Variants in CTNND2 observed in about 807,000 individuals in gnomAD.
The protein encoded by CTNND2 is catenin delta-2.
CTNND2 carries 22 observed loss-of-function variants against 144.4 expected under a neutral mutation model. That is an observed-to-expected ratio of 0.15 (90% CI 0.11 to 0.22). The LOEUF is 0.22. CTNND2 is among the 10% of genes least tolerant of loss of function. CTNND2 has a pLI of 1.00. For missense variants in CTNND2, 1,353 were observed against 1,618.8 expected (o/e 0.84, Z 2.82); for synonymous variants, 751 against 695.6 (o/e 1.08, Z -1.25).
intron 2 of CTNND2, among the ~76,000 whole-genome samples, chr5:11,598,513 A>G (rs1779629728): frequency 6.6e-6 from 1 of 152,196 alleles, no homozygotes. Flanking sequence ...AAAATCCTTT[A>G]TCTGATTACA....
chr5:11,269,372 C>G (rs777986501), intron 9 of CTNND2, among the ~76,000 whole-genome samples: 2 of 152,128 alleles, frequency 1.3e-5, no homozygotes, highest in Non-Finnish European at 2.9e-5. Flanking sequence ...AATCTATTCT[C>G]GTTTATTATA....
At chr5:11,352,775 G>A (rs73742806) in intron 8 of CTNND2, among the ~76,000 whole-genome samples, 14,818 of 152,152 alleles carry the variant, frequency 0.097, 761 homozygotes, top group Middle Eastern at 0.16. Context: ...TTAACACAAA[G>A]GATCCTGCTC....
intron 3 of CTNND2, among the ~76,000 whole-genome samples, chr5:11,416,639 T>C (rs1761957830): frequency 6.6e-6 from 1 of 152,212 alleles, no homozygotes; most frequent in Admixed American, 6.5e-5. Flanking sequence ...TCAATAAACA[T>C]GGATTATGCC....
At chr5:11,067,975 G>T (rs1435619065) in intron 16 of CTNND2, among the ~76,000 whole-genome samples, 1 of 152,122 alleles carries the variant, frequency 6.6e-6, no homozygotes, top group Non-Finnish European at 1.5e-5. Context: ...GACATTAGTG[G>T]CAATGTTGGC....
chr5:11,842,398 T>G (rs1262121179), intron 1 of CTNND2, among the ~76,000 whole-genome samples: 1 of 152,070 alleles, frequency 6.6e-6, no homozygotes, highest in Admixed American at 6.6e-5. Flanking sequence ...AAGCCAAATC[T>G]TGGTAGCAAC....
chr5:11,752,473 T>C (rs1044224138), intron 1 of CTNND2, among the ~76,000 whole-genome samples: 1 of 151,662 alleles, frequency 6.6e-6, no homozygotes, highest in Non-Finnish European at 1.5e-5. Flanking sequence ...TTATGTCCAT[T>C]AGATGGTTGC....
intron 16 of CTNND2, among the ~76,000 whole-genome samples, chr5:11,065,570 C>T (rs911285004): frequency 1.3e-5 from 2 of 152,114 alleles, no homozygotes; most frequent in African/African-American, 2.4e-5. Flanking sequence ...TATTCATCAC[C>T]CACTCTATCT....
At chr5:11,223,805 T>C (rs1414244644) in intron 10 of CTNND2, among the ~76,000 whole-genome samples, 1 of 152,198 alleles carries the variant, frequency 6.6e-6, no homozygotes, top group Non-Finnish European at 1.5e-5. Flanking sequence ...GACAAGCCTC[T>C]TGATGGCTAC....
chr5:11,686,017 G>A lies in CTNND2; in HGVS notation c.174+46119C>T, dbSNP rs140339810. On this transcript the variant is annotated intron_variant, in intron 2 of 21. Transcript: ENST00000304623. ...GCTCAGGAATTCAAGACCAGCCTGG[G>A]CAACATGGCGAAACCCCATCTCTAC... 6.3e-4 allele frequency among the ~76,000 whole-genome samples: 96 copies of A among 152,130 alleles called. No homozygotes were observed. The East Asian group carries it at 0.017, about 27-fold the overall frequency.
chr5:11,552,796 G>T (rs538001238), intron 3 of CTNND2, among the ~76,000 whole-genome samples: 9 of 152,296 alleles, frequency 5.9e-5, no homozygotes, highest in African/African-American at 2.2e-4. Context: ...CATTTCAGCT[G>T]ACTTTCCTCT....
intron 2 of CTNND2, among the ~76,000 whole-genome samples, chr5:11,623,318 T>C (rs375213489): frequency 1.3e-5 from 2 of 152,098 alleles, no homozygotes; most frequent in East Asian, 1.9e-4. Flanking sequence ...TGGGAGATAA[T>C]TGAACTATGG....
At chr5:11,577,965 G>C (rs867376229) in intron 2 of CTNND2, among the ~76,000 whole-genome samples, 3 of 152,176 alleles carry the variant, frequency 2.0e-5, no homozygotes, top group South Asian at 2.1e-4. Context: ...GTCAACAGTA[G>C]AGCTTTTCCG....
intron 3 of CTNND2, among the ~76,000 whole-genome samples, chr5:11,444,579 G>A (rs1412069744): frequency 6.6e-6 from 1 of 152,164 alleles, no homozygotes; most frequent in Non-Finnish European, 1.5e-5. Context: ...GTTCACATCT[G>A]TAATCCCAGC....
At chr5:11,236,322 T>C (rs1430915087) in intron 10 of CTNND2, among the ~76,000 whole-genome samples, 1 of 152,190 alleles carries the variant, frequency 6.6e-6, no homozygotes, top group Non-Finnish European at 1.5e-5. Context: ...TTTATTGTAA[T>C]TTGGAGATAA....
chr5:11,070,301 T>C (rs988281991), intron 16 of CTNND2, among the ~76,000 whole-genome samples: 2 of 151,936 alleles, frequency 1.3e-5, no homozygotes, highest in African/African-American at 4.8e-5. Context: ...AATTCTAGAA[T>C]TGGAAAATAC....
At chr5:11,580,406 T>C (rs1002505165) in intron 2 of CTNND2, among the ~76,000 whole-genome samples, 1 of 152,204 alleles carries the variant, frequency 6.6e-6, no homozygotes, top group Non-Finnish European at 1.5e-5. Flanking sequence ...ACATAACAAG[T>C]GTACATTATT....
At chr5:11,339,266 ATTAAACAGCCTCATTTT>A (rs562815019) in intron 9 of CTNND2, among the ~76,000 whole-genome samples, 274 of 150,486 alleles carry the variant, frequency 1.8e-3, no homozygotes, top group African/African-American at 6.4e-3. Context: ...ATGAGCTTTC[ATTAAACAGCCTCATTTT>A]TTAAACAGCC....
intron 1 of CTNND2, among the ~76,000 whole-genome samples, chr5:11,879,352 T>TATATATATATATATATATATATATATAC (rs1553988803): frequency 7.3e-6 from 1 of 137,200 alleles, no homozygotes; most frequent in African/African-American, 2.7e-5. Flanking sequence ...TATATATATA[T>TATATATATATATATATATATATATATAC]ATATACATAT....
rs1431134327 is a variant in CTNND2, at chr5:11,384,997, C to T, written c.845G>A (p.Arg282His). The T allele has an allele frequency of 1.3e-6, 2 of 1,507,232 alleles. No individual in the cohort carries two copies. Among genetic ancestry groups the T allele is most frequent in the Non-Finnish European group, 1.8e-6 (2 of 1,134,314 alleles). The allele number at this position is 1,507,232 out of a possible 1,614,324, so 93.4% of individuals were successfully genotyped here. The change falls in exon 7 of 22, where the codon CGC becomes CAC. Residue 282 changes from arginine to histidine, a missense_variant. Around this residue, in one of 4 missense-constraint regions of CTNND2, gnomAD observed 708 missense variants for 706.4 expected, o/e 1.00. Coordinates refer to ENST00000304623, the MANE Select transcript of CTNND2 (RefSeq NM_001332.4). This position sits in a 1 kb window ranked among gnomAD's most constrained non-coding sequence, Gnocchi z 5.2. The stretch of plus-strand genomic sequence containing the variant: ...GGCGCCCTCGGGGGCCGAGCCGCCG[C>T]GCTGCAGCTTGGTGGGCGAACCGCC... The part of the protein sequence containing the change: ...PQGGSPTKLQ[R>H]GGSAPEGATY...
Sources: gnomAD v4.1 joint callset for allele counts (sites outside exome capture counted in the v4.1 genomes callset) on GRCh38, gnomAD v4.1.1 for gene constraint, gnomAD v4.1.1 regional missense constraint, Gnocchi (gnomAD v3.1) non-coding constraint, MANE v1.5 for transcripts, NCBI Gene and HGNC (gene_info 2026-07-23, HGNC 2026-07-21) for gene names.